The following FBXO9 variants were observed in gnomAD, a reference collection of about 807,000 sequenced individuals.
The protein encoded by FBXO9 is F-box protein 9, also known as F-box only protein 9.
A neutral mutation model predicts 63.7 loss-of-function variants in FBXO9; 43 were observed. The ratio of observed to expected loss-of-function variants is 0.67; its 90% CI spans 0.53 to 0.87. The LOEUF (loss-of-function observed/expected upper bound fraction) is 0.87. FBXO9 is among the 40% of genes least tolerant of loss of function. FBXO9 has a pLI of 0.00. For missense variants in FBXO9, 442 were observed against 533.2 expected, an observed-to-expected ratio of 0.83 and a Z score of 1.68; for synonymous variants, 156 against 171.7, an observed-to-expected ratio of 0.91 and a Z score of 0.72.
intron 9 of FBXO9, 162 bp downstream of exon 9, chr6:53,092,986 A>G: frequency 2.2e-6 from 1 of 460,556 alleles, no homozygotes; most frequent in Non-Finnish European, 3.8e-6. Flanking sequence ...AAATAGGCTA[A>G]TATAAATTAC....
At position 53,100,087 on chromosome 6, in the gene FBXO9, C is replaced by T. The variant is rs1259533293; in HGVS notation, c.*2257C>T. ...TTTAACTTAGAACTGGAAAAAGTAA[C>T]TTTTTTCCAGATTACATTTTCTGTA... On this transcript the variant is annotated 3_prime_UTR_variant, in exon 13 of 13. Transcript: ENST00000323557. 6.6e-6 allele frequency: 1 copy of T among 152,018 alleles called. No individual in the cohort carries two copies. The highest frequency in any genetic ancestry group is 1.5e-5 in the Non-Finnish European group (1 of 68,006). 9.4% of individuals were successfully genotyped at this position (152,018 alleles called of 1,614,324 possible).
In FBXO9 at chr6:53,080,994, A is replaced by G. The variant is rs1217874997; in HGVS notation, c.434A>G (p.Lys145Arg). Residue 145 changes from lysine (K) to arginine (R), a missense_variant, in exon 6 of 13, where the codon AAA becomes AGA. Physicochemically the swap from Lys to Arg is conservative, Grantham distance 26. This residue lies in a region of FBXO9 where 262 missense variants were observed against 362.1 expected (regional missense o/e 0.72). Coordinates refer to ENST00000323557, the MANE Select transcript of FBXO9 (RefSeq NM_033480.3). ...ATTGAAGATAATGATGATGACAGCA[A>G]AATGGCAGATCTCTTGTCCTACTTC... ...SYIEDNDDDSKMADLLSYFQQ... is the reference protein window; with the variant it reads ...SYIEDNDDDSRMADLLSYFQQ... The G allele has an allele frequency of 6.2e-6, 10 of 1,613,848 alleles. No individual in the cohort carries two copies. The highest frequency in any genetic ancestry group is 1.3e-5 in the African/African-American group (1 of 75,062).
At chr6:53,074,589 C>T (rs1474271249) in intron 3 of FBXO9, among the ~76,000 whole-genome samples, 1 of 152,188 alleles carries the variant, frequency 6.6e-6, no homozygotes, top group Non-Finnish European at 1.5e-5. Context: ...AATCAAGATA[C>T]AGAACTGTTT....
intron 12 of FBXO9, among the ~76,000 whole-genome samples, chr6:53,096,518 G>A (rs1191040775): frequency 2.0e-5 from 3 of 152,072 alleles, no homozygotes; most frequent in Non-Finnish European, 2.9e-5. Flanking sequence ...ACAACAGAAC[G>A]TTTTTCTTTC....
At chr6:53,078,677 T>C (rs1234572245) in intron 4 of FBXO9, 122 bp from the exon 5 acceptor site, 1 of 673,408 alleles carries the variant, frequency 1.5e-6, no homozygotes, top group African/African-American at 1.8e-5. Flanking sequence ...CTGTTGCATG[T>C]AGAAAAACAG....
Position 53,082,607 on chromosome 6 carries a change from C to T in FBXO9, c.642C>T (p.Tyr214=). Residue 214 remains tyrosine, a synonymous_variant, in exon 7 of 13, where the codon TAC becomes TAT. Transcript: ENST00000323557. ...EQLSLVCRGF[Y]ICARDPEIWR... ...TGTCGCTGGTGTGCAGAGGATTCTA[C>T]ATCTGTGCCAGGTACTAAGTTTTTG... The T allele has an allele frequency of 6.2e-7, 1 of 1,611,294 alleles. No individual in the cohort carries two copies. Among genetic ancestry groups the T allele is most frequent in the South Asian group, 1.1e-5 (1 of 90,840 alleles).
intron 3 of FBXO9, 130 bp from the exon 4 acceptor site, chr6:53,076,356 G>A: frequency 1.6e-6 from 1 of 630,214 alleles, no homozygotes; most frequent in Admixed American, 3.6e-5. Flanking sequence ...ATGAGGTTTA[G>A]GTCAAGGTTC....
At chr6:53,077,822 GT>G (rs2127491645) in intron 4 of FBXO9, among the ~76,000 whole-genome samples, 1 of 152,252 alleles carries the variant, frequency 6.6e-6, no homozygotes, top group South Asian at 2.1e-4. Flanking sequence ...TCTCCACTTA[GT>G]GTATGGTGTA....
chr6:53,065,798 C>A lies in FBXO9; in HGVS notation c.3+6C>A. ...CAGGCCGCCCCGCCAGCATGGTAAC[C>A]TGGCCAGGGGGCTCGAGGGTGGACG... On this transcript the variant is annotated splice_donor_region_variant and intron_variant, in intron 1 of 12. Transcript: ENST00000323557. The A allele has an allele frequency of 7.2e-7, 1 of 1,382,536 alleles. No individual in the cohort carries two copies. The highest frequency in any genetic ancestry group is 2.6e-4 in the Middle Eastern group (1 of 3,852). 85.6% of individuals were successfully genotyped at this position (1,382,536 alleles called of 1,614,324 possible). A position where few individuals can be genotyped will look rare whatever the true frequency, so the allele number is the denominator to read the frequency against.
intron 7 of FBXO9, chr6:53,092,156 C>T: frequency 3.1e-6 from 1 of 326,538 alleles, no homozygotes; most frequent in South Asian, 4.1e-5. Context: ...TCCTGGCCTC[C>T]CTATTTCCTC....
intron 3 of FBXO9, among the ~76,000 whole-genome samples, chr6:53,074,203 C>T (rs1182612159): frequency 1.5e-5 from 2 of 132,942 alleles, no homozygotes; most frequent in Non-Finnish European, 3.3e-5. Context: ...ACAGAGTAGG[C>T]ACAGCATACC....
rs1372807680 is a variant in FBXO9 at position 53,100,298 on chromosome 6, C to T, written c.*2468C>T. ...ACTTCAGGAGTGTCCTTCCTTTGCT[C>T]TATTAGGACATTACAGAAACCAATA... On this transcript the variant is annotated 3_prime_UTR_variant, in exon 13 of 13. Transcript: ENST00000323557. The T allele has an allele frequency of 4.6e-5, 7 of 152,144 alleles. No individual in the cohort carries two copies. Among genetic ancestry groups the T allele is most frequent in the East Asian group, 1.9e-4 (1 of 5,192 alleles). 9.4% of individuals were successfully genotyped at this position (152,144 alleles called of 1,614,324 possible).
rs1763324542 is a variant in FBXO9 at position 53,100,690 on chromosome 6, A to G, written c.*2860A>G. On this transcript the variant is annotated 3_prime_UTR_variant, in exon 13 of 13. Coordinates refer to ENST00000323557, the MANE Select transcript of FBXO9 (RefSeq NM_033480.3). The stretch of plus-strand genomic sequence containing the variant: ...TTGATTATTCTGTGCATCTATAAAA[A>G]TGGGATTATATTGTACAGAATGCTT... 3 of 152,182 alleles carry G rather than the reference A, an allele frequency of 2.0e-5. No homozygotes were observed. The highest frequency in any genetic ancestry group is 7.2e-5 in the African/African-American group (3 of 41,462). 9.4% of individuals were successfully genotyped at this position (152,182 alleles called of 1,614,324 possible).
At chr6:53,067,458 T>C (rs1394772598) in intron 1 of FBXO9, among the ~76,000 whole-genome samples, 1 of 152,180 alleles carries the variant, frequency 6.6e-6, no homozygotes, top group Non-Finnish European at 1.5e-5. Context: ...TGCTTCTGAC[T>C]AAGATGAACC....
intron 1 of FBXO9, chr6:53,066,196 G>C: frequency 1.0e-6 from 1 of 983,632 alleles, no homozygotes; most frequent in Non-Finnish European, 1.2e-6. Flanking sequence ...TCTGGCAAGA[G>C]GAGACACTTG....
chr6:53,095,886 T>C (rs1000774305), intron 12 of FBXO9, among the ~76,000 whole-genome samples: 9 of 152,152 alleles, frequency 5.9e-5, no homozygotes, highest in African/African-American at 1.7e-4. Flanking sequence ...ATAGTACCCA[T>C]TGGAATGTGA....
At chr6:53,088,390 C>T (rs1267514212) in intron 7 of FBXO9, among the ~76,000 whole-genome samples, 1 of 151,948 alleles carries the variant, frequency 6.6e-6, no homozygotes, top group Non-Finnish European at 1.5e-5. Flanking sequence ...GTAATTTTGC[C>T]CATCAGTTTA....
At position 53,065,694 on chromosome 6, in the gene FBXO9, A is replaced by C. The variant is rs1768666733; in HGVS notation, c.-96A>C. The C allele has an allele frequency of 1.5e-6, 2 of 1,365,252 alleles. No individual in the cohort carries two copies. Among genetic ancestry groups the C allele is most frequent in the African/African-American group, 3.0e-5 (2 of 66,384 alleles). 84.6% of individuals were successfully genotyped at this position (1,365,252 alleles called of 1,614,324 possible). A position where few individuals can be genotyped will look rare whatever the true frequency, so the allele number is the denominator to read the frequency against. Reference sequence around the variant, plus strand: ...GCTAAGCTCCGCTGCAGAGACAGGCAGGAGTAGACACCCGGACACCCAGCA... The same window carrying C: ...GCTAAGCTCCGCTGCAGAGACAGGCCGGAGTAGACACCCGGACACCCAGCA... On this transcript the variant is annotated 5_prime_UTR_variant, in exon 1 of 13. Transcript: ENST00000323557.
Position 53,076,500 on chromosome 6 carries a change from C to A in FBXO9, c.264C>A (p.Phe88Leu). 6.5e-7 allele frequency: 1 copy of A among 1,544,060 alleles called. No individual in the cohort carries two copies. The highest frequency in any genetic ancestry group is 1.3e-5 in the South Asian group (1 of 77,386). ...TATTTTTATAGGCTCGAGAACTCTT[C>A]CTAAAAGCAGTAGAAGAAGAACAAA... Reference protein sequence around the residue: ...QAKEEKARELFLKAVEEEQNG... With the variant: ...QAKEEKARELLLKAVEEEQNG... The change falls in exon 4 of 13, where the codon TTC becomes TTA. Residue 88 changes from phenylalanine (F) to leucine (L), a missense_variant. Phe to Leu is a conservative substitution (Grantham distance 22). Transcript: ENST00000323557.
Sources: gnomAD v4.1 joint callset for allele counts (sites outside exome capture counted in the v4.1 genomes callset) on GRCh38, gnomAD v4.1.1 for gene constraint, gnomAD v4.1.1 regional missense constraint, MANE v1.5 for transcripts, NCBI Gene and HGNC (gene_info 2026-07-23, HGNC 2026-07-21) for gene names.